CTIF: variants seen among roughly 807,000 people sequenced by gnomAD.
The protein encoded by CTIF is cap binding complex dependent translation initiation factor.
CTIF carries 21 observed loss-of-function variants against 66.0 expected under a neutral mutation model. The ratio of observed to expected loss-of-function variants is 0.32; its 90% CI spans 0.23 to 0.46. The LOEUF (loss-of-function observed/expected upper bound fraction) is 0.46, where lower values mean the gene tolerates loss of function less well. Ranked by LOEUF, CTIF falls within the 20% of genes least tolerant of loss-of-function variation. CTIF has a pLI of 1.00. For missense variants in CTIF, 739 were observed against 812.7 expected (o/e 0.91, Z 1.10); for synonymous variants, 345 against 326.4 (o/e 1.06, Z -0.62).
chr18:48,843,775 C>T (rs570172023), intron 10 of CTIF, among the ~76,000 whole-genome samples: 4 of 152,162 alleles, frequency 2.6e-5, no homozygotes, highest in East Asian at 1.9e-4. Context: ...TCCAGGCAAA[C>T]GAGATGTGCC....
chr18:48,615,267 C>T (rs2090377445), intron 1 of CTIF, among the ~76,000 whole-genome samples: 1 of 152,206 alleles, frequency 6.6e-6, no homozygotes, highest in Non-Finnish European at 1.5e-5. Context: ...GCTGTACTTC[C>T]AGGCTGAGAG....
chr18:48,693,725 G>A (rs1005420109), intron 6 of CTIF, among the ~76,000 whole-genome samples: 5 of 152,158 alleles, frequency 3.3e-5, no homozygotes, highest in East Asian at 1.9e-4. Context: ...AGGGTCTATC[G>A]GCCATGATCC....
intron 7 of CTIF, among the ~76,000 whole-genome samples, chr18:48,722,296 G>A (rs1382550167): frequency 6.8e-6 from 1 of 146,098 alleles, no homozygotes; most frequent in East Asian, 2.0e-4. Flanking sequence ...GCTCACGACA[G>A]CCTCGACCTG....
chr18:48,578,109 G>A (rs767900359), intron 1 of CTIF, among the ~76,000 whole-genome samples: 26 of 152,018 alleles, frequency 1.7e-4, no homozygotes, highest in Non-Finnish European at 3.2e-4. Context: ...TTCACTTAGT[G>A]TAATAGTTTC....
chr18:48,608,378 G>A (rs2090243443), intron 1 of CTIF, among the ~76,000 whole-genome samples: 1 of 152,138 alleles, frequency 6.6e-6, no homozygotes, highest in Non-Finnish European at 1.5e-5. Context: ...TATCTAACTG[G>A]CTAACCAGAA....
intron 7 of CTIF, among the ~76,000 whole-genome samples, chr18:48,747,142 G>A (rs1051900393): frequency 1.3e-5 from 2 of 152,226 alleles, no homozygotes; most frequent in African/African-American, 4.8e-5. Context: ...AGACTCCAAA[G>A]CTGGTATGTG....
chr18:48,675,820 G>A (rs1482947977), intron 6 of CTIF, among the ~76,000 whole-genome samples: 2 of 152,174 alleles, frequency 1.3e-5, no homozygotes, highest in Non-Finnish European at 2.9e-5. Context: ...GTTGGCTTCC[G>A]CCCTTGGAAG....
At chr18:48,721,424 A>G (rs2092334345) in intron 7 of CTIF, among the ~76,000 whole-genome samples, 1 of 152,146 alleles carries the variant, frequency 6.6e-6, no homozygotes, top group Non-Finnish European at 1.5e-5. Context: ...GCATTTGAGG[A>G]TTGGCTCACA....
chr18:48,788,120 T>C (rs1383378780), intron 9 of CTIF, among the ~76,000 whole-genome samples: 1 of 152,038 alleles, frequency 6.6e-6, no homozygotes, highest in Non-Finnish European at 1.5e-5. Flanking sequence ...ATGGGGACAA[T>C]TGGATGGCCG....
In CTIF at chr18:48,665,478, G is replaced by A. The variant is rs2091421597; in HGVS notation, c.431+927G>A. Among the ~76,000 whole-genome samples, 2 of 152,134 alleles carry A rather than the reference G, an allele frequency of 1.3e-5. 1 individual carries two copies. Among genetic ancestry groups the A allele is most frequent in the South Asian group, 4.1e-4 (2 of 4,824 alleles). On this transcript the variant is annotated intron_variant, in intron 5 of 11. Transcript: ENST00000256413. ...TATAGTTTTATATAATTTTTAATGA[G>A]GCAGAATTCCCATACCATAAAATTA...
At chr18:48,675,759 CGGG>C (rs2091618261) in intron 6 of CTIF, among the ~76,000 whole-genome samples, 1 of 152,128 alleles carries the variant, frequency 6.6e-6, no homozygotes, top group Non-Finnish European at 1.5e-5. Context: ...GGCAGCAGCA[CGGG>C]GCTGCAGGGG....
chr18:48,653,564 A>C (rs1285327504), intron 3 of CTIF, among the ~76,000 whole-genome samples: 1 of 152,256 alleles, frequency 6.6e-6, no homozygotes, highest in East Asian at 1.9e-4. Flanking sequence ...GGTAATTTAT[A>C]GATTCAATGC....
intron 6 of CTIF, among the ~76,000 whole-genome samples, chr18:48,690,246 A>G (rs1216863919): frequency 1.3e-5 from 2 of 151,782 alleles, no homozygotes; most frequent in African/African-American, 2.4e-5. Flanking sequence ...TCCATCCACT[A>G]TGGCTTCCCT....
intron 3 of CTIF, among the ~76,000 whole-genome samples, chr18:48,651,960 T>C (rs2091162797): frequency 2.0e-5 from 3 of 152,172 alleles, no homozygotes; most frequent in Admixed American, 6.5e-5. Flanking sequence ...CGGACACATT[T>C]AAAGCAGTGT....
intron 7 of CTIF, among the ~76,000 whole-genome samples, chr18:48,725,309 C>T (rs1374588323): frequency 6.6e-6 from 1 of 152,120 alleles, no homozygotes; most frequent in East Asian, 1.9e-4. Flanking sequence ...GGTGCTCAGT[C>T]AGGGGTAGGG....
rs1203964511 is a variant in CTIF, at chr18:48,692,196, A to G, written c.508-19423A>G. 2.0e-5 allele frequency among the ~76,000 whole-genome samples: 3 copies of G among 152,206 alleles called. No homozygotes were observed. The East Asian group carries it at 5.8e-4, about 29-fold the overall frequency. On this transcript the variant is annotated intron_variant, in intron 6 of 11. Transcript: ENST00000256413. The stretch of plus-strand genomic sequence containing the variant: ...TAAGTTTTTATCTTTGTAAAACAAA[A>G]CAAAAAACCCTTGCTCAACTCAACT...
At chr18:48,572,310 G>T (rs2089434820) in intron 1 of CTIF, among the ~76,000 whole-genome samples, 1 of 152,142 alleles carries the variant, frequency 6.6e-6, no homozygotes, top group Admixed American at 6.5e-5. Context: ...CTAGATGAGT[G>T]TTTGAGCAAG....
intron 9 of CTIF, among the ~76,000 whole-genome samples, chr18:48,769,122 C>G (rs61682254): frequency 0.094 from 14,344 of 152,210 alleles, 1,215 homozygotes; most frequent in African/African-American, 0.22. Flanking sequence ...CTTGCATCCT[C>G]TCCCTCTTCT....
intron 9 of CTIF, among the ~76,000 whole-genome samples, chr18:48,811,189 T>G (rs2068251726): frequency 6.6e-6 from 1 of 152,174 alleles, no homozygotes; most frequent in South Asian, 2.1e-4. Flanking sequence ...AAATTACATT[T>G]TAAAATTAAA....
Sources: allele counts gnomAD v4.1 joint callset (sites outside exome capture counted in the v4.1 genomes callset), GRCh38; gene constraint gnomAD v4.1.1; transcripts MANE v1.5; gene names NCBI Gene and HGNC (gene_info 2026-07-23, HGNC 2026-07-21).